Variants in SMYD3 observed in about 807,000 individuals in gnomAD.
SMYD3 encodes SET and MYND domain containing 3, also known as histone-lysine N-methyltransferase SMYD3.
Under a neutral mutation model 57.7 loss-of-function variants are expected in SMYD3, and 36 were observed. That is an observed-to-expected ratio of 0.62 (90% CI 0.48 to 0.82). SMYD3 has a LOEUF of 0.82. Among genes scored for constraint, SMYD3 ranks in the 40% least tolerant of loss-of-function variants. SMYD3 has a pLI of 0.00. For missense variants in SMYD3, 515 were observed against 538.8 expected, an observed-to-expected ratio of 0.96 and a Z score of 0.44; for synonymous variants, 211 against 195.0, an observed-to-expected ratio of 1.08 and a Z score of -0.68.
intron 2 of SMYD3, among the ~76,000 whole-genome samples, chr1:246,350,432 TG>T (rs1296800389): frequency 1.3e-5 from 2 of 152,128 alleles, no homozygotes; most frequent in Non-Finnish European, 2.9e-5. Flanking sequence ...AAAGAGACCA[TG>T]GTAACAGGTA....
At chr1:246,443,557 C>T (rs2067502210) in intron 1 of SMYD3, among the ~76,000 whole-genome samples, 3 of 152,116 alleles carry the variant, frequency 2.0e-5, no homozygotes, top group South Asian at 4.1e-4. Context: ...AACTCCTTTC[C>T]CATACAAATA....
intron 5 of SMYD3, among the ~76,000 whole-genome samples, chr1:246,239,778 C>A (rs1343115365): frequency 1.3e-5 from 2 of 152,064 alleles, no homozygotes; most frequent in African/African-American, 4.8e-5. Flanking sequence ...TTAATGATCG[C>A]CATTCTAACT....
intron 11 of SMYD3, among the ~76,000 whole-genome samples, chr1:245,758,563 T>G (rs1463552203): frequency 6.6e-6 from 1 of 152,238 alleles, no homozygotes; most frequent in Non-Finnish European, 1.5e-5. Context: ...TATCTTCACA[T>G]TCACCAATTC....
At chr1:245,883,043 G>A (rs1443773035) in intron 8 of SMYD3, among the ~76,000 whole-genome samples, 1 of 152,158 alleles carries the variant, frequency 6.6e-6, no homozygotes, top group Non-Finnish European at 1.5e-5. Context: ...CCCAGTAATT[G>A]CCCATAATTG....
At chr1:245,802,388 G>A (rs2047911736) in intron 10 of SMYD3, among the ~76,000 whole-genome samples, 1 of 152,172 alleles carries the variant, frequency 6.6e-6, no homozygotes, top group Non-Finnish European at 1.5e-5. Context: ...CAAGTCATAA[G>A]ACAACTCTCT....
chr1:246,108,330 C>A (rs987547412), intron 5 of SMYD3, among the ~76,000 whole-genome samples: 1 of 152,156 alleles, frequency 6.6e-6, no homozygotes, highest in Non-Finnish European at 1.5e-5. Flanking sequence ...TAAGGGCTAT[C>A]CAAATAGGGT....
chr1:246,352,050 T>C (rs533360158), intron 2 of SMYD3, among the ~76,000 whole-genome samples: 1 of 144,756 alleles, frequency 6.9e-6, no homozygotes, highest in African/African-American at 2.6e-5. Flanking sequence ...GGCCCAAGAA[T>C]TGCTTGAACC....
intron 1 of SMYD3, among the ~76,000 whole-genome samples, chr1:246,505,336 C>A (rs1023908797): frequency 3.3e-5 from 5 of 152,062 alleles, no homozygotes; most frequent in Non-Finnish European, 7.3e-5. Flanking sequence ...TTTAGCCAAT[C>A]CAAGACACTC....
chr1:245,847,662 GA>G (rs1264245700), intron 10 of SMYD3, among the ~76,000 whole-genome samples: 1 of 152,086 alleles, frequency 6.6e-6, no homozygotes, highest in Non-Finnish European at 1.5e-5. Flanking sequence ...AGCCAAACAA[GA>G]GACTGATTCA....
At chr1:245,890,004 T>C (rs1256216779) in intron 8 of SMYD3, among the ~76,000 whole-genome samples, 2 of 152,170 alleles carry the variant, frequency 1.3e-5, no homozygotes, top group African/African-American at 4.8e-5. Flanking sequence ...TAGTCTTCAA[T>C]AAATGGTGCC....
rs142197946 is a variant in SMYD3 at position 245,784,577 on chromosome 1, A to C, written c.1077-20428T>G. Among the ~76,000 whole-genome samples the C allele has an allele frequency of 8.7e-3, 1,326 of 152,238 alleles. 18 individuals are homozygous for C. The highest frequency in any genetic ancestry group is 0.024 in the South Asian group (117 of 4,812). ...GCACCTGAGCTCAAGTGACCAAAAAATGAACTCAAGCAGGGACTATCAACA... is the reference window on the plus strand; with the variant it reads ...GCACCTGAGCTCAAGTGACCAAAAACTGAACTCAAGCAGGGACTATCAACA... On this transcript the variant is annotated intron_variant, in intron 10 of 11. Coordinates refer to ENST00000490107, the MANE Select transcript of SMYD3 (RefSeq NM_001167740.2).
intron 1 of SMYD3, among the ~76,000 whole-genome samples, chr1:246,457,998 G>T (rs1398681801): frequency 6.6e-5 from 10 of 152,134 alleles, no homozygotes. Context: ...TAAAACGTAT[G>T]TGATTTTATC....
intron 11 of SMYD3, among the ~76,000 whole-genome samples, chr1:245,756,188 C>G (rs1343601185): frequency 6.7e-6 from 1 of 149,370 alleles, no homozygotes; most frequent in African/African-American, 2.4e-5. Flanking sequence ...TGTATATATA[C>G]AGATATATAT....
intron 1 of SMYD3, among the ~76,000 whole-genome samples, chr1:246,469,827 C>T (rs1341138980): frequency 6.6e-6 from 1 of 152,172 alleles, no homozygotes; most frequent in Non-Finnish European, 1.5e-5. Context: ...AGTGTCTCCC[C>T]ACAGACTGGC....
chr1:245,786,500 C>T (rs1211153555), intron 10 of SMYD3, among the ~76,000 whole-genome samples: 1 of 151,836 alleles, frequency 6.6e-6, no homozygotes, highest in Non-Finnish European at 1.5e-5. Context: ...GCCTGTGCTT[C>T]CTGAACCCAG....
chr1:245,832,249 C>T (rs970749694), intron 10 of SMYD3, among the ~76,000 whole-genome samples: 3 of 152,210 alleles, frequency 2.0e-5, no homozygotes, highest in Non-Finnish European at 2.9e-5. Flanking sequence ...CTGCCTAGCA[C>T]AATCCTTCTG....
intron 5 of SMYD3, among the ~76,000 whole-genome samples, chr1:246,257,848 G>A (rs2063925850): frequency 6.6e-6 from 1 of 152,098 alleles, no homozygotes; most frequent in Non-Finnish European, 1.5e-5. Flanking sequence ...GGGACTGGGT[G>A]GGAGGGAGGT....
intron 1 of SMYD3, among the ~76,000 whole-genome samples, chr1:246,470,499 TA>T (rs141239913): frequency 1.4e-4 from 18 of 129,182 alleles, no homozygotes; most frequent in Non-Finnish European, 2.2e-4. Context: ...TGTCTAAAAA[TA>T]AAAAAAAATT....
At chr1:245,884,303 G>C (rs552883029) in intron 8 of SMYD3, among the ~76,000 whole-genome samples, 9 of 152,144 alleles carry the variant, frequency 5.9e-5, no homozygotes, top group African/African-American at 2.2e-4. Context: ...CAGGGTAATC[G>C]AGGATGCAGA....
Sources: allele counts gnomAD v4.1 joint callset (sites outside exome capture counted in the v4.1 genomes callset), GRCh38; gene constraint gnomAD v4.1.1; transcripts MANE v1.5; gene names NCBI Gene and HGNC (gene_info 2026-07-23, HGNC 2026-07-21).